Variants in RBM8A observed in about 807,000 individuals in gnomAD.
The protein encoded by RBM8A is RNA-binding protein 8A.
RBM8A carries 8 observed loss-of-function variants against 25.1 expected under a neutral mutation model. That is an observed-to-expected ratio of 0.32 (90% CI 0.19 to 0.58). The LOEUF is 0.58. Among genes scored for constraint, RBM8A ranks in the 20% least tolerant of loss-of-function variants. The pLI is 0.88. For missense variants in RBM8A, 114 were observed against 236.8 expected (o/e 0.48, Z 3.40); for synonymous variants, 66 against 80.0 (o/e 0.82, Z 0.94).
rs1647913613 is a variant in RBM8A at position 145,923,333 on chromosome 1, T to C, written c.*2549A>G. On this transcript the variant is annotated 3_prime_UTR_variant, in exon 6 of 6. Transcript: ENST00000583313. ...CTTAGAAATATATGAATGCAAGAGA[T>C]GGGAAGAGGAAAGACCATTTCCCAA... 1.3e-5 allele frequency: 2 copies of C among 151,686 alleles called. No individual in the cohort carries two copies. Among genetic ancestry groups the C allele is most frequent in the South Asian group, 2.1e-4 (1 of 4,824 alleles). The allele number at this position is 151,686 out of a possible 1,614,324, so 9.4% of individuals were successfully genotyped here.
intron 4 of RBM8A, 103 bp downstream of exon 4, chr1:145,926,379 T>C: frequency 6.6e-7 from 1 of 1,515,672 alleles, no homozygotes; most frequent in Non-Finnish European, 8.9e-7. Flanking sequence ...CCAATGTCAT[T>C]TTATTTCAAC....
rs1647967324 is a variant in RBM8A, at chr1:145,924,168, A to G, written c.*1714T>C. On this transcript the variant is annotated 3_prime_UTR_variant, in exon 6 of 6. Transcript: ENST00000583313. ...ACTCCACTCCAGCTGTTCCTGTTCCACACGGTCCACTGAGCTGGCCCAGTC... is the reference window on the plus strand; with the variant it reads ...ACTCCACTCCAGCTGTTCCTGTTCCGCACGGTCCACTGAGCTGGCCCAGTC... 4.3e-6 allele frequency: 3 copies of G among 704,036 alleles called. No individual in the cohort carries two copies. In the East Asian group the frequency reaches 8.2e-5, roughly 19 times the overall value. The allele number at this position is 704,036 out of a possible 1,614,324, so 43.6% of individuals were successfully genotyped here. A position where few individuals can be genotyped will look rare whatever the true frequency, so the allele number is the denominator to read the frequency against.
chr1:145,927,405 G>A lies in RBM8A; in HGVS notation c.22C>T (p.His8Tyr). 1.2e-6 allele frequency: 2 copies of A among 1,611,660 alleles called. No individual in the cohort carries two copies. Among genetic ancestry groups the A allele is most frequent in the Non-Finnish European group, 1.7e-6 (2 of 1,179,082 alleles). The change falls in exon 1 of 6, where the codon CAC becomes TAC. Residue 8 changes from histidine to tyrosine, a missense_variant. By Grantham distance (83) the His-to-Tyr change is moderately conservative. Around this residue, in one of 2 missense-constraint regions of RBM8A, gnomAD observed 12 missense variants for 54.1 expected, o/e 0.22. Coordinates refer to ENST00000583313, the MANE Select transcript of RBM8A (RefSeq NM_005105.5). ...GCGAAATCTTCGCCCCCAGCCTCGT[G>A]AAGATCTAGCACGTCCGCCATCTCG... Reference protein sequence around the residue: MADVLDLHEAGGEDFAMD... With the variant: MADVLDLYEAGGEDFAMD...
chr1:145,926,653 T>C, intron 3 of RBM8A, 35 bp from the exon 4 acceptor site: 4 of 1,613,350 alleles, frequency 2.5e-6, no homozygotes, highest in Non-Finnish European at 3.4e-6. Flanking sequence ...TATGAGTACA[T>C]GAGAGACACT....
rs1297311825 is a variant in RBM8A at position 145,925,834 on chromosome 1, A to G, written c.*48T>C. 3.2e-6 allele frequency: 5 copies of G among 1,566,326 alleles called. No individual in the cohort carries two copies. In the African/African-American group the frequency reaches 4.1e-5, roughly 13 times the overall value. On this transcript the variant is annotated 3_prime_UTR_variant, in exon 6 of 6. Transcript: ENST00000583313. ...CCCAGTCCTATTTGTCCAAGGCTGCATGGTCAAATGGAATCTTGAAGAGAA... is the reference window on the plus strand; with the variant it reads ...CCCAGTCCTATTTGTCCAAGGCTGCGTGGTCAAATGGAATCTTGAAGAGAA...
In RBM8A at chr1:145,925,932, G is replaced by A. The variant is rs1648127779; in HGVS notation, c.480-5C>T. The A allele has an allele frequency of 1.9e-6, 3 of 1,614,136 alleles. No individual in the cohort carries two copies. The highest frequency in any genetic ancestry group is 1.7e-4 in the Middle Eastern group (1 of 6,058). ...CTGCTGCGTCTTCGGCCACCTCTAG[G>A]GAAAAAGAAGCAGGGAGAGGAGTCC... On this transcript the variant is annotated splice_polypyrimidine_tract_variant and splice_region_variant and intron_variant, in intron 5 of 5. Coordinates refer to ENST00000583313, the MANE Select transcript of RBM8A (RefSeq NM_005105.5).
intron 4 of RBM8A, 74 bp downstream of exon 4, chr1:145,926,408 C>G (rs1274310335): frequency 5.1e-6 from 8 of 1,568,504 alleles, no homozygotes. Flanking sequence ...TGGCCAACCA[C>G]AGCAAACACA....
At position 145,923,087 on chromosome 1, in the gene RBM8A, G is replaced by A. The variant is rs1237652564; in HGVS notation, c.*2795C>T. The A allele has an allele frequency of 2.0e-5, 3 of 151,862 alleles. No individual in the cohort carries two copies. The highest frequency in any genetic ancestry group is 4.4e-5 in the Non-Finnish European group (3 of 68,004). 9.4% of individuals were successfully genotyped at this position (151,862 alleles called of 1,614,324 possible). A position where few individuals can be genotyped will look rare whatever the true frequency, so the allele number is the denominator to read the frequency against. ...TGGGACTACAGGCACCTACCACCAC[G>A]CCCGGCTAGTTTTTTGTATCTTTAG... On this transcript the variant is annotated 3_prime_UTR_variant, in exon 6 of 6. Transcript: ENST00000583313.
intron 1 of RBM8A, 124 bp from the exon 2 acceptor site, chr1:145,927,201 C>T: frequency 1.4e-6 from 2 of 1,467,200 alleles, no homozygotes; most frequent in South Asian, 1.2e-5. Context: ...TTCCCGGTCA[C>T]GCCCTCCCTT....
At chr1:145,927,200 A>G in intron 1 of RBM8A, 123 bp from the exon 2 acceptor site, 1 of 1,470,776 alleles carries the variant, frequency 6.8e-7, no homozygotes, top group Non-Finnish European at 9.4e-7. Context: ...CTTCCCGGTC[A>G]CGCCCTCCCT....
rs200836721 is a variant in RBM8A, at chr1:145,926,463, A to G, written c.342+19T>C. 3.5e-5 allele frequency: 56 copies of G among 1,613,068 alleles called. No homozygotes were observed. Among genetic ancestry groups the G allele is most frequent in the African/African-American group, 3.3e-4 (25 of 74,842 alleles). ...AGGCTTATGAAAGAAAGGAGGCAAT[A>G]AAGTGTCACTTAGGATACCTTCAGA... On this transcript the variant is annotated intron_variant, in intron 4 of 5. Coordinates refer to ENST00000583313, the MANE Select transcript of RBM8A (RefSeq NM_005105.5).
Position 145,925,360 on chromosome 1 carries a change from A to G in RBM8A, c.*522T>C, listed in dbSNP as rs1419132424. 1 of 350,486 alleles carries G rather than the reference A, an allele frequency of 2.9e-6. No individual in the cohort carries two copies. Among genetic ancestry groups the G allele is most frequent in the Non-Finnish European group, 5.6e-6 (1 of 177,348 alleles). The allele number at this position is 350,486 out of a possible 1,614,324, so 21.7% of individuals were successfully genotyped here. On this transcript the variant is annotated 3_prime_UTR_variant, in exon 6 of 6. Coordinates refer to ENST00000583313, the MANE Select transcript of RBM8A (RefSeq NM_005105.5). ...ATACTGACCAGTGTCTCTACTTTAA[A>G]CCCTACCTGAAACTTGAGACTATGT...
rs1647937743 is a variant in RBM8A at position 145,923,742 on chromosome 1, T to G, written c.*2140A>C. 2 of 507,252 alleles carry G rather than the reference T, an allele frequency of 3.9e-6. No homozygotes were observed. Among genetic ancestry groups the G allele is most frequent in the Admixed American group, 3.5e-5 (1 of 28,818 alleles). The allele number at this position is 507,252 out of a possible 1,614,324, so 31.4% of individuals were successfully genotyped here. On this transcript the variant is annotated 3_prime_UTR_variant, in exon 6 of 6. Transcript: ENST00000583313. ...ATTACTACTAAAGGTCACTTCAGAG[T>G]CCCTGCAAAATGGCCTGGAATTTTG...
chr1:145,921,722 CA>C lies in RBM8A; in HGVS notation c.*4159del. The C allele has an allele frequency of 6.4e-6, 1 of 155,686 alleles. No homozygotes were observed. Among genetic ancestry groups the C allele is most frequent in the Non-Finnish European group, 1.4e-5 (1 of 69,374 alleles). The allele number at this position is 155,686 out of a possible 1,614,324, so 9.6% of individuals were successfully genotyped here. A position where few individuals can be genotyped will look rare whatever the true frequency, so the allele number is the denominator to read the frequency against. On this transcript the variant is annotated 3_prime_UTR_variant, in exon 6 of 6. Coordinates refer to ENST00000583313, the MANE Select transcript of RBM8A (RefSeq NM_005105.5). The stretch of plus-strand genomic sequence containing the variant: ...TAAATACAAAGCAATTCCTTCAAGG[CA>C]AAAACCACTATCACTATCATGGGGT...
Position 145,924,797 on chromosome 1 carries a change from T to C in RBM8A, c.*1085A>G, listed in dbSNP as rs1553755533. On this transcript the variant is annotated 3_prime_UTR_variant, in exon 6 of 6. Coordinates refer to ENST00000583313, the MANE Select transcript of RBM8A (RefSeq NM_005105.5). ...GAAGCTGAGTGTCTGAATTACAGTATATTTTCTAAATTCCTAGCCCCTGCT... is the reference window on the plus strand; with the variant it reads ...GAAGCTGAGTGTCTGAATTACAGTACATTTTCTAAATTCCTAGCCCCTGCT... 2 of 354,528 alleles carry C rather than the reference T, an allele frequency of 5.6e-6. No individual in the cohort carries two copies. Among genetic ancestry groups the C allele is most frequent in the East Asian group, 7.6e-5 (1 of 13,198 alleles). 22.0% of individuals were successfully genotyped at this position (354,528 alleles called of 1,614,324 possible).
Position 145,925,836 on chromosome 1 carries a change from G to A in RBM8A, c.*46C>T, listed in dbSNP as rs201038934. The A allele has an allele frequency of 2.3e-5, 36 of 1,573,608 alleles. No homozygotes were observed. In the African/African-American group the frequency reaches 4.2e-4, roughly 18 times the overall value. ...CAGTCCTATTTGTCCAAGGCTGCAT[G>A]GTCAAATGGAATCTTGAAGAGAACA... On this transcript the variant is annotated 3_prime_UTR_variant, in exon 6 of 6. Transcript: ENST00000583313.
Position 145,924,302 on chromosome 1 carries a change from G to A in RBM8A, c.*1580C>T, listed in dbSNP as rs1647978008. ...CTTTCTGCTGCCACTGACTGCCATG[G>A]CCATCTGCTATAGCCGCATTGTCCT... On this transcript the variant is annotated 3_prime_UTR_variant, in exon 6 of 6. Coordinates refer to ENST00000583313, the MANE Select transcript of RBM8A (RefSeq NM_005105.5). 2 of 540,082 alleles carry A rather than the reference G, an allele frequency of 3.7e-6. No homozygotes were observed. Among genetic ancestry groups the A allele is most frequent in the Middle Eastern group, 3.0e-4 (1 of 3,352 alleles). 33.5% of individuals were successfully genotyped at this position (540,082 alleles called of 1,614,324 possible). A position where few individuals can be genotyped will look rare whatever the true frequency, so the allele number is the denominator to read the frequency against.
Position 145,926,215 on chromosome 1 carries a change from AT to A in RBM8A, c.343-39del, listed in dbSNP as rs782101413. The A allele has an allele frequency of 3.1e-6, 5 of 1,606,858 alleles. No individual in the cohort carries two copies. The Admixed American group carries it at 5.0e-5, about 16-fold the overall frequency. On this transcript the variant is annotated intron_variant, in intron 4 of 5. Coordinates refer to ENST00000583313, the MANE Select transcript of RBM8A (RefSeq NM_005105.5). ...AAAAGACAGATATGAAAACCCTCCT[AT>A]TTCCCCAAGTATCACTGAGTATCTT...
rs782705606 is a variant in RBM8A, at chr1:145,926,476, G to A, written c.342+6C>T. On this transcript the variant is annotated splice_donor_region_variant and intron_variant, in intron 4 of 5. Coordinates refer to ENST00000583313, the MANE Select transcript of RBM8A (RefSeq NM_005105.5). Reference sequence around the variant, plus strand: ...AAAGGAGGCAATAAAGTGTCACTTAGGATACCTTCAGATATCCTGTTCGCC... The same window carrying A: ...AAAGGAGGCAATAAAGTGTCACTTAAGATACCTTCAGATATCCTGTTCGCC... The A allele has an allele frequency of 6.2e-7, 1 of 1,613,732 alleles. No individual in the cohort carries two copies. Among genetic ancestry groups the A allele is most frequent in the Non-Finnish European group, 8.5e-7 (1 of 1,179,826 alleles).
Sources: allele counts gnomAD v4.1 joint callset, GRCh38; gene constraint gnomAD v4.1.1; regional missense constraint gnomAD v4.1.1; transcripts MANE v1.5; gene names NCBI Gene and HGNC (gene_info 2026-07-23, HGNC 2026-07-21).